Variants in GRIP1 observed in about 807,000 individuals in gnomAD.
The protein encoded by GRIP1 is glutamate receptor-interacting protein 1.
Under a neutral mutation model 129.9 loss-of-function variants are expected in GRIP1, and 45 were observed. The observed-to-expected ratio is 0.35, with a 90% CI of 0.27 to 0.44. The LOEUF is 0.44. Among genes scored for constraint, GRIP1 ranks in the 20% least tolerant of loss-of-function variants. The pLI, the probability that GRIP1 is intolerant of heterozygous loss-of-function variation, is 1.00. For missense variants in GRIP1, 1,196 were observed against 1,396.8 expected (o/e 0.86, Z 2.29); for synonymous variants, 530 against 520.8 (o/e 1.02, Z -0.24).
intron 9 of GRIP1, among the ~76,000 whole-genome samples, chr12:66,461,740 G>A (rs566054434): frequency 6.6e-6 from 1 of 152,184 alleles, no homozygotes; most frequent in East Asian, 1.9e-4. Context: ...CTTTCCCCCC[G>A]CCCCAGACTG....
At chr12:66,866,155 C>A (rs1018058238) in intron 1 of GRIP1, among the ~76,000 whole-genome samples, 3 of 152,078 alleles carry the variant, frequency 2.0e-5, no homozygotes, top group African/African-American at 7.2e-5. Flanking sequence ...TAGAGAAACA[C>A]CTACTCTTAA....
chr12:66,894,389 T>C lies in GRIP1; in HGVS notation c.58+174661A>G, dbSNP rs549258499. On this transcript the variant is annotated intron_variant, in intron 1 of 1. Transcript: ENST00000643019. ...TCTCTTTCTGGAGGCCCCATTCTCT[T>C]CTTAGATTCTGAGTCAGTTGGTTGT... Among the ~76,000 whole-genome samples the C allele has an allele frequency of 1.2e-4, 19 of 152,314 alleles. No individual in the cohort carries two copies. The East Asian group carries it at 2.1e-3, about 17-fold the overall frequency.
At chr12:66,625,309 C>G (rs1028391171) in intron 1 of GRIP1, among the ~76,000 whole-genome samples, 1 of 152,160 alleles carries the variant, frequency 6.6e-6, no homozygotes, top group Non-Finnish European at 1.5e-5. Flanking sequence ...TTTCCCCAAA[C>G]TGAACTGACT....
intron 11 of GRIP1, 87 bp from the exon 12 acceptor site, chr12:66,445,595 T>C (rs776847629): frequency 1.1e-6 from 1 of 933,162 alleles, no homozygotes; most frequent in Non-Finnish European, 1.6e-6. Flanking sequence ...TGTCTCTGCA[T>C]AAAAACTGAA....
At chr12:66,876,988 A>G (rs1179232560) in intron 1 of GRIP1, among the ~76,000 whole-genome samples, 1 of 152,038 alleles carries the variant, frequency 6.6e-6, no homozygotes, top group African/African-American at 2.4e-5. Context: ...CTATTTTAAT[A>G]TATATTGATT....
At chr12:66,635,289 C>T (rs911531446) in intron 1 of GRIP1, among the ~76,000 whole-genome samples, 7 of 151,670 alleles carry the variant, frequency 4.6e-5, no homozygotes, top group African/African-American at 1.7e-4. Context: ...CGTGGCGATG[C>T]AGGCTTGTGG....
At chr12:66,392,063 C>G (rs781731080) in intron 19 of GRIP1, among the ~76,000 whole-genome samples, 1 of 152,180 alleles carries the variant, frequency 6.6e-6, no homozygotes, top group Non-Finnish European at 1.5e-5. Context: ...GGATGGGATA[C>G]TTGGCCATCA....
chr12:67,024,775 CA>C (rs138461029), intron 1 of GRIP1, among the ~76,000 whole-genome samples: 2 of 151,454 alleles, frequency 1.3e-5, no homozygotes, highest in Non-Finnish European at 2.9e-5. Flanking sequence ...GGTACAATGA[CA>C]AAAAAAAGAT....
chr12:66,802,033 T>C (rs2038873993), intron 1 of GRIP1, among the ~76,000 whole-genome samples: 2 of 152,206 alleles, frequency 1.3e-5, no homozygotes, highest in Admixed American at 1.3e-4. Flanking sequence ...AATGCTTTTC[T>C]ACAGCTCTAA....
intron 11 of GRIP1, among the ~76,000 whole-genome samples, chr12:66,446,674 C>T (rs563335476): frequency 6.6e-6 from 1 of 152,246 alleles, no homozygotes; most frequent in South Asian, 2.1e-4. Context: ...TCTTAGTCTG[C>T]CTCCTCTAAC....
At chr12:66,843,142 G>A (rs1037838904) in intron 1 of GRIP1, among the ~76,000 whole-genome samples, 1 of 151,954 alleles carries the variant, frequency 6.6e-6, no homozygotes, top group African/African-American at 2.4e-5. Context: ...AGTTCCTGAA[G>A]AGTATACTAC....
At chr12:66,409,002 A>T (rs2057295192) in intron 15 of GRIP1, among the ~76,000 whole-genome samples, 1 of 152,094 alleles carries the variant, frequency 6.6e-6, no homozygotes, top group South Asian at 2.1e-4. Context: ...CAGCTATAGT[A>T]GAATAGAGCA....
chr12:66,782,597 T>G (rs777113801), intron 1 of GRIP1, among the ~76,000 whole-genome samples: 2 of 152,212 alleles, frequency 1.3e-5, no homozygotes, highest in Non-Finnish European at 2.9e-5. Context: ...TTCAAGATCA[T>G]GCAATCAATT....
intron 1 of GRIP1, among the ~76,000 whole-genome samples, chr12:66,795,410 T>G (rs1315049406): frequency 6.6e-6 from 1 of 152,158 alleles, no homozygotes; most frequent in Admixed American, 6.6e-5. Context: ...AAGACCAGCT[T>G]AGCAGTAATC....
At position 66,639,853 on chromosome 12, in the gene GRIP1, C is replaced by T. The variant is rs192151388; in HGVS notation, c.55+38997G>A. Reference sequence around the variant, plus strand: ...TATGAGCAACTGGATGAATTTAGTACAAGCACAGTTACACTAGTAGAATTA... The same window carrying T: ...TATGAGCAACTGGATGAATTTAGTATAAGCACAGTTACACTAGTAGAATTA... On this transcript the variant is annotated intron_variant, in intron 1 of 24. Transcript: ENST00000359742. Among the ~76,000 whole-genome samples the T allele has an allele frequency of 2.9e-3, 448 of 152,268 alleles. 6 individuals carry two copies. The highest frequency in any genetic ancestry group is 1.2e-3 in the Non-Finnish European group (83 of 68,018).
chr12:66,445,250 A>T, intron 12 of GRIP1, 72 bp downstream of exon 12: 1 of 1,152,448 alleles, frequency 8.7e-7, no homozygotes, highest in Non-Finnish European at 1.3e-6. Flanking sequence ...TTCATAATTT[A>T]CTAGCCATTC....
chr12:66,378,998 T>A (rs2055963479), intron 20 of GRIP1, among the ~76,000 whole-genome samples: 1 of 151,960 alleles, frequency 6.6e-6, no homozygotes, highest in South Asian at 2.1e-4. Flanking sequence ...GGGACCTACT[T>A]GTCATAAGGA....
At chr12:66,655,446 C>A (rs1216336394) in intron 1 of GRIP1, among the ~76,000 whole-genome samples, 1 of 152,098 alleles carries the variant, frequency 6.6e-6, no homozygotes. Flanking sequence ...CAGTGTGGTA[C>A]ATTTGTTACA....
At chr12:66,987,009 T>TA (rs1444789460) in intron 1 of GRIP1, among the ~76,000 whole-genome samples, 1 of 152,100 alleles carries the variant, frequency 6.6e-6, no homozygotes, top group Non-Finnish European at 1.5e-5. Context: ...GTTGGACAAA[T>TA]ACAGGATTCA....
Sources: gnomAD v4.1 joint callset for allele counts (sites outside exome capture counted in the v4.1 genomes callset) on GRCh38, gnomAD v4.1.1 for gene constraint, MANE v1.5 for transcripts, NCBI Gene and HGNC (gene_info 2026-07-23, HGNC 2026-07-21) for gene names.